Variants in KCNIP4 observed in about 807,000 individuals in gnomAD.
The protein encoded by KCNIP4 is potassium voltage-gated channel interacting protein 4.
In KCNIP4, 12 loss-of-function variants were observed where a neutral mutation model predicts 34.0. The ratio of observed to expected loss-of-function variants is 0.35; its 90% CI spans 0.23 to 0.57. The LOEUF (loss-of-function observed/expected upper bound fraction) is 0.57, where lower values mean the gene tolerates loss of function less well. Ranked by LOEUF, KCNIP4 falls within the 20% of genes least tolerant of loss-of-function variation. The pLI, the probability that KCNIP4 is intolerant of heterozygous loss-of-function variation, is 0.83. For missense variants in KCNIP4, 238 were observed against 311.7 expected (o/e 0.76, Z 1.78); for synonymous variants, 124 against 102.2 (o/e 1.21, Z -1.29).
At chr4:21,008,257 C>T (rs552065503) in intron 1 of KCNIP4, among the ~76,000 whole-genome samples, 3 of 152,258 alleles carry the variant, frequency 2.0e-5, no homozygotes, top group East Asian at 3.9e-4. Flanking sequence ...TGCTACCAAA[C>T]CGTCTCCCCA....
At chr4:21,513,852 C>G (rs1734539160) in intron 1 of KCNIP4, among the ~76,000 whole-genome samples, 1 of 152,142 alleles carries the variant, frequency 6.6e-6, no homozygotes. Flanking sequence ...ATATTTAGTC[C>G]ACTCTGTTGG....
Position 21,074,265 on chromosome 4 carries a change from C to T in KCNIP4, c.62-191556G>A, listed in dbSNP as rs533283559. 8.5e-5 allele frequency among the ~76,000 whole-genome samples: 13 copies of T among 152,168 alleles called. No individual in the cohort carries two copies. The South Asian group carries it at 2.7e-3, about 32-fold the overall frequency. ...GAAATCGGCTGTGAATCTGTCTAGTCCTGGACTTTTTTTGGTTGGTAAGCT... is the reference window on the plus strand; with the variant it reads ...GAAATCGGCTGTGAATCTGTCTAGTTCTGGACTTTTTTTGGTTGGTAAGCT... On this transcript the variant is annotated intron_variant, in intron 1 of 8. Transcript: ENST00000382152.
intron 1 of KCNIP4, among the ~76,000 whole-genome samples, chr4:21,007,756 T>G (rs1738702107): frequency 6.6e-6 from 1 of 152,202 alleles, no homozygotes; most frequent in Non-Finnish European, 1.5e-5. Flanking sequence ...AGGGAAGCCC[T>G]GATTTTGAAC....
chr4:21,556,641 C>T (rs1364668734), intron 1 of KCNIP4, among the ~76,000 whole-genome samples: 1 of 151,998 alleles, frequency 6.6e-6, no homozygotes, highest in African/African-American at 2.4e-5. Context: ...ACATCAGAGG[C>T]CAGGCATTGT....
chr4:21,885,545 A>G (rs983560498), intron 1 of KCNIP4, among the ~76,000 whole-genome samples: 2 of 152,136 alleles, frequency 1.3e-5, no homozygotes, highest in African/African-American at 4.8e-5. Context: ...TTTTCTTGCC[A>G]CGGGTTCTAT....
rs77066089 is a variant in KCNIP4, at chr4:20,858,954, C to T, written c.164-8287G>A. On this transcript the variant is annotated intron_variant, in intron 2 of 8. Transcript: ENST00000382152. Reference sequence around the variant, plus strand: ...GATTTAATCCCTGGCTTTTTAACACCAAAGACCATGAGCTTAGTCAATATG... The same window carrying T: ...GATTTAATCCCTGGCTTTTTAACACTAAAGACCATGAGCTTAGTCAATATG... Among the ~76,000 whole-genome samples, 1,044 of 152,216 alleles carry T rather than the reference C, an allele frequency of 6.9e-3. 12 individuals carry two copies. Among genetic ancestry groups the T allele is most frequent in the East Asian group, 0.061 (317 of 5,176 alleles).
At chr4:21,702,160 G>A (rs1712908203) in intron 1 of KCNIP4, among the ~76,000 whole-genome samples, 1 of 152,174 alleles carries the variant, frequency 6.6e-6, no homozygotes, top group South Asian at 2.1e-4. Context: ...TCTGGAGACT[G>A]AGAAGTCCAA....
intron 1 of KCNIP4, among the ~76,000 whole-genome samples, chr4:21,587,494 C>T (rs1741722655): frequency 6.6e-6 from 1 of 152,004 alleles, no homozygotes; most frequent in Admixed American, 6.6e-5. Flanking sequence ...GTTGGCAGAT[C>T]CAGCTGAGTA....
chr4:21,026,952 G>C (rs1375713718), intron 1 of KCNIP4, among the ~76,000 whole-genome samples: 1 of 152,112 alleles, frequency 6.6e-6, no homozygotes, highest in African/African-American at 2.4e-5. Flanking sequence ...TGGGTCATTT[G>C]GGGGTTTTGT....
chr4:21,713,042 T>C (rs1047546780), intron 1 of KCNIP4, among the ~76,000 whole-genome samples: 1 of 152,228 alleles, frequency 6.6e-6, no homozygotes, highest in African/African-American at 2.4e-5. Context: ...CCATCTGTGC[T>C]TTCCAGGCCA....
chr4:21,123,046 CA>C (rs35776568), intron 1 of KCNIP4, among the ~76,000 whole-genome samples: 4 of 150,266 alleles, frequency 2.7e-5, no homozygotes, highest in Non-Finnish European at 4.4e-5. Context: ...CCATCTCTAC[CA>C]AAAAAAAATA....
In KCNIP4 at chr4:21,670,571, TA is replaced by T. The variant is rs1008432771; in HGVS notation, c.61+277999del. Among the ~76,000 whole-genome samples, 334 of 149,526 alleles carry T rather than the reference TA, an allele frequency of 2.2e-3. 2 individuals carry two copies. The highest frequency in any genetic ancestry group is 8.3e-3 in the South Asian group (39 of 4,718). ...ATGTACCCTAAAACTTAAAGTATAA[TA>T]AAAAAAAAATCGATCATATTGAAGT... On this transcript the variant is annotated intron_variant, in intron 1 of 8. Transcript: ENST00000382152.
At chr4:20,745,859 T>G (rs1490856356) in intron 5 of KCNIP4, among the ~76,000 whole-genome samples, 2 of 152,166 alleles carry the variant, frequency 1.3e-5, no homozygotes, top group African/African-American at 4.8e-5. Context: ...TGCATTTGCA[T>G]GTAGTTGCCT....
rs536942658 is a variant in KCNIP4 at position 20,746,937 on chromosome 4, A to G, written c.429+2725T>C. 4.6e-5 allele frequency among the ~76,000 whole-genome samples: 7 copies of G among 152,244 alleles called. No homozygotes were observed. The South Asian group carries it at 8.3e-4, about 18-fold the overall frequency. ...ATGTGTTCATTCCCTAACCATTTCT[A>G]TTTTCTAGAGATTTCCCAGGTAGCT... On this transcript the variant is annotated intron_variant, in intron 5 of 8. Transcript: ENST00000382152.
chr4:21,803,537 T>A (rs1303514560), intron 1 of KCNIP4, among the ~76,000 whole-genome samples: 1 of 152,082 alleles, frequency 6.6e-6, no homozygotes, highest in East Asian at 1.9e-4. Flanking sequence ...TTTTCAACAT[T>A]CAGCCTCTAA....
chr4:21,795,930 T>C (rs79305083), intron 1 of KCNIP4, among the ~76,000 whole-genome samples: 13,215 of 151,832 alleles, frequency 0.087, 679 homozygotes, highest in Middle Eastern at 0.14. Context: ...ATTAGCTGGG[T>C]TGGTGGTGCG....
At chr4:21,901,588 T>G (rs1260446404) in intron 1 of KCNIP4, among the ~76,000 whole-genome samples, 1 of 152,164 alleles carries the variant, frequency 6.6e-6, no homozygotes, top group African/African-American at 2.4e-5. Flanking sequence ...GGGTGATTTT[T>G]TATTCTCTTC....
Position 21,370,465 on chromosome 4 carries a change from A to G in KCNIP4, c.62-487756T>C, listed in dbSNP as rs570310136. Among the ~76,000 whole-genome samples the G allele has an allele frequency of 3.4e-5, 5 of 146,310 alleles. No individual in the cohort carries two copies. The South Asian group carries it at 1.1e-3, about 31-fold the overall frequency. On this transcript the variant is annotated intron_variant, in intron 1 of 8. Coordinates refer to ENST00000382152, the MANE Select transcript of KCNIP4 (RefSeq NM_025221.6). ...AGGGAGACACCCAAAGTAAAATTAA[A>G]AACACATGATTAAGAAGTTCATTAT... is the stretch of plus-strand genomic sequence containing the variant.
At chr4:20,901,914 C>T (rs1167616330) in intron 1 of KCNIP4, among the ~76,000 whole-genome samples, 1 of 151,864 alleles carries the variant, frequency 6.6e-6, no homozygotes. Flanking sequence ...AAAAACACAA[C>T]CTTTTAAAGT....
Sources: allele counts gnomAD v4.1 joint callset (sites outside exome capture counted in the v4.1 genomes callset), GRCh38; gene constraint gnomAD v4.1.1; transcripts MANE v1.5; gene names NCBI Gene and HGNC (gene_info 2026-07-23, HGNC 2026-07-21).